Variants in SETBP1 observed in about 807,000 individuals in gnomAD.
SETBP1 encodes the protein SET-binding protein.
A neutral mutation model predicts 101.0 loss-of-function variants in SETBP1; 9 were observed. The ratio of observed to expected loss-of-function variants is 0.09; its 90% confidence interval spans 0.05 to 0.16. The LOEUF (loss-of-function observed/expected upper bound fraction) is 0.16. SETBP1 is among the 10% of genes least tolerant of loss of function. The pLI is 1.00. For synonymous variants in SETBP1, 818 were observed against 788.5 expected (o/e 1.04, Z -0.63); for missense variants, 1,858 against 2,033.8 (o/e 0.91, Z 1.66).
intron 2 of SETBP1, among the ~76,000 whole-genome samples, chr18:44,774,370 T>C (rs536202007): frequency 1.3e-5 from 2 of 152,038 alleles, no homozygotes; most frequent in African/African-American, 4.8e-5. Context: ...TGTGTATGTG[T>C]GTGTGGGTGT....
chr18:44,860,224 C>T (rs981623498), intron 2 of SETBP1, among the ~76,000 whole-genome samples: 3 of 152,128 alleles, frequency 2.0e-5, no homozygotes, highest in Non-Finnish European at 2.9e-5. Context: ...CTTTGCTTGG[C>T]ATATGTTCAA....
At position 44,950,498 on chromosome 18, in the gene SETBP1, C is replaced by T. The variant is rs73472918; in HGVS notation, c.1158C>T (p.Asn386=). 3.5e-4 allele frequency: 564 copies of T among 1,614,110 alleles called. 2 individuals carry two copies. In the African/African-American group the frequency reaches 6.7e-3, roughly 19 times the overall value. ...AAGAGGCATCACCAGCCAGGCAGAA[C>T]GTGAGTTCTGCCAGTAATCCTGAAA... ...SAQEASPARQ[N]VSSASNPEND... The change falls in exon 4 of 6, where the codon AAC becomes AAT. Residue 386 remains asparagine (N), a synonymous_variant. Coordinates refer to ENST00000649279, the MANE Select transcript of SETBP1 (RefSeq NM_015559.3).
intron 5 of SETBP1, among the ~76,000 whole-genome samples, chr18:45,045,164 C>T (rs1415568030): frequency 6.6e-6 from 1 of 151,948 alleles, no homozygotes; most frequent in Non-Finnish European, 1.5e-5. Flanking sequence ...GTGGCTCACA[C>T]CTGTAATCCC....
intron 4 of SETBP1, chr18:44,970,151 C>G (rs1262372236): frequency 1.9e-5 from 3 of 154,772 alleles, no homozygotes; most frequent in Non-Finnish European, 4.4e-5. Context: ...TGGCTTTGCT[C>G]AGGGACTCAA....
chr18:45,018,038 T>C (rs977409579), intron 4 of SETBP1, among the ~76,000 whole-genome samples: 2 of 152,178 alleles, frequency 1.3e-5, no homozygotes. Context: ...CAGTGGAATA[T>C]TGGAATCCAC....
intron 2 of SETBP1, among the ~76,000 whole-genome samples, chr18:44,794,240 A>G (rs1189303871): frequency 6.6e-6 from 1 of 152,200 alleles, no homozygotes; most frequent in Non-Finnish European, 1.5e-5. Context: ...ATTTTGTAAA[A>G]TTCACTGTCT....
At chr18:44,876,558 T>A in intron 3 of SETBP1, 2 of 1,547,648 alleles carry the variant, frequency 1.3e-6, no homozygotes, top group South Asian at 2.4e-5. Flanking sequence ...GCCTCCTCAT[T>A]TTCTAGATTA....
At chr18:44,984,623 T>C (rs1281802841) in intron 4 of SETBP1, among the ~76,000 whole-genome samples, 1 of 152,226 alleles carries the variant, frequency 6.6e-6, no homozygotes, top group Non-Finnish European at 1.5e-5. Flanking sequence ...GATGAAGTGA[T>C]GTTGGCATTA....
At chr18:44,974,762 GA>G (rs1164389555) in intron 4 of SETBP1, among the ~76,000 whole-genome samples, 2 of 152,146 alleles carry the variant, frequency 1.3e-5, no homozygotes, top group Non-Finnish European at 2.9e-5. Flanking sequence ...AGAGCAAGAC[GA>G]GTCAAAAGCA....
At chr18:44,805,270 C>A (rs1219094709) in intron 2 of SETBP1, among the ~76,000 whole-genome samples, 1 of 152,062 alleles carries the variant, frequency 6.6e-6, no homozygotes. Context: ...GTATTCCTAG[C>A]ATGTTGAAAG....
At chr18:44,704,565 C>T (rs2144221066) in intron 2 of SETBP1, among the ~76,000 whole-genome samples, 1 of 152,300 alleles carries the variant, frequency 6.6e-6, no homozygotes, top group Admixed American at 6.5e-5. Flanking sequence ...ATCACTGAGT[C>T]TCAATTACTT....
intron 2 of SETBP1, among the ~76,000 whole-genome samples, chr18:44,712,146 G>A (rs767170377): frequency 1.3e-5 from 2 of 152,126 alleles, no homozygotes; most frequent in Admixed American, 6.5e-5. Context: ...GGTTGCTTTG[G>A]TGTGTTTTCT....
At chr18:44,820,084 G>A (rs542902164) in intron 2 of SETBP1, among the ~76,000 whole-genome samples, 23 of 152,350 alleles carry the variant, frequency 1.5e-4, no homozygotes, top group South Asian at 1.0e-3. Context: ...GAGTGGCAGC[G>A]CTTGCTGGCA....
chr18:44,849,408 T>C (rs2072799842), intron 2 of SETBP1, among the ~76,000 whole-genome samples: 1 of 152,154 alleles, frequency 6.6e-6, no homozygotes, highest in South Asian at 2.1e-4. Context: ...GATTAACCTT[T>C]TAGAACTCCA....
chr18:44,937,243 G>A (rs1425435867), intron 3 of SETBP1, among the ~76,000 whole-genome samples: 2 of 151,766 alleles, frequency 1.3e-5, no homozygotes, highest in Admixed American at 6.6e-5. Flanking sequence ...ACGAGGTTAG[G>A]AGATCGAGAC....
intron 4 of SETBP1, among the ~76,000 whole-genome samples, chr18:45,024,042 T>A (rs1340978394): frequency 2.0e-5 from 3 of 152,216 alleles, no homozygotes; most frequent in African/African-American, 7.2e-5. Context: ...GTGGCATATT[T>A]CCCAATTACT....
chr18:44,691,085 A>T (rs1328882966), intron 1 of SETBP1, among the ~76,000 whole-genome samples: 1 of 152,180 alleles, frequency 6.6e-6, no homozygotes, highest in Non-Finnish European at 1.5e-5. Flanking sequence ...AGAAGCAACT[A>T]ACAACTTTTG....
chr18:44,924,705 A>G (rs1366165775), intron 3 of SETBP1, among the ~76,000 whole-genome samples: 1 of 152,070 alleles, frequency 6.6e-6, no homozygotes, highest in Non-Finnish European at 1.5e-5. Context: ...TACACCATAG[A>G]CCCTAGGGTT....
At chr18:44,805,065 G>A (rs1279931580) in intron 2 of SETBP1, among the ~76,000 whole-genome samples, 1 of 151,828 alleles carries the variant, frequency 6.6e-6, no homozygotes, top group African/African-American at 2.4e-5. Context: ...TTCAACTCCT[G>A]GACTCAAGCT....
Sources: gnomAD v4.1 joint callset for allele counts (sites outside exome capture counted in the v4.1 genomes callset) on GRCh38, gnomAD v4.1.1 for gene constraint, MANE v1.5 for transcripts, NCBI Gene and HGNC (gene_info 2026-07-23, HGNC 2026-07-21) for gene names.